Variants in GRM5 observed in about 807,000 individuals in gnomAD.
The protein encoded by GRM5 is metabotropic glutamate receptor 5.
In GRM5, 19 loss-of-function variants were observed where a neutral mutation model predicts 83.1. That is an observed-to-expected ratio of 0.23 (90% CI 0.16 to 0.34). The LOEUF is 0.34. GRM5 is among the 10% of genes least tolerant of loss of function. The pLI, the probability that GRM5 is intolerant of heterozygous loss-of-function variation, is 1.00. For missense variants in GRM5, 1,160 were observed against 1,588.3 expected (o/e 0.73, Z 4.58); for synonymous variants, 675 against 633.6 (o/e 1.07, Z -0.98).
chr11:88,557,889 C>T (rs955704497), intron 8 of GRM5, among the ~76,000 whole-genome samples: 2 of 152,002 alleles, frequency 1.3e-5, no homozygotes, highest in Non-Finnish European at 2.9e-5. Context: ...TCTCCTAATG[C>T]TATCCCTTTG....
At chr11:88,719,651 A>C (rs547834686) in intron 3 of GRM5, among the ~76,000 whole-genome samples, 1 of 152,210 alleles carries the variant, frequency 6.6e-6, no homozygotes, top group African/African-American at 2.4e-5. Context: ...GAGTTCCACA[A>C]GGGCTGAACT....
chr11:88,609,768 T>A (rs1046999682), intron 4 of GRM5, among the ~76,000 whole-genome samples: 2 of 152,230 alleles, frequency 1.3e-5, no homozygotes, highest in African/African-American at 4.8e-5. Flanking sequence ...TTGTTTTTGT[T>A]GCAATTGCTT....
intron 2 of GRM5, among the ~76,000 whole-genome samples, chr11:88,967,674 T>G (rs921791801): frequency 6.6e-6 from 1 of 152,074 alleles, no homozygotes; most frequent in Non-Finnish European, 1.5e-5. Context: ...GGGATTAAAT[T>G]TCAACATGAG....
chr11:88,765,911 C>T (rs575653539), intron 3 of GRM5, among the ~76,000 whole-genome samples: 2 of 151,762 alleles, frequency 1.3e-5, no homozygotes, highest in South Asian at 2.1e-4. Context: ...AGGAAACACA[C>T]AGAATGGGAG....
At chr11:88,939,396 T>C (rs633748) in intron 2 of GRM5, among the ~76,000 whole-genome samples, 38,114 of 151,628 alleles carry the variant, frequency 0.25, 5,856 homozygotes, top group Non-Finnish European at 0.35. Flanking sequence ...ACCAACATTA[T>C]CCTATCATGG....
At chr11:88,642,586 G>A (rs1346070590) in intron 4 of GRM5, among the ~76,000 whole-genome samples, 2 of 152,056 alleles carry the variant, frequency 1.3e-5, no homozygotes, top group African/African-American at 4.8e-5. Context: ...CCAATTTTAG[G>A]TCATTTATTT....
chr11:88,667,005 C>T (rs1940061476), intron 3 of GRM5, among the ~76,000 whole-genome samples: 1 of 151,870 alleles, frequency 6.6e-6, no homozygotes, highest in African/African-American at 2.4e-5. Flanking sequence ...AATTTAAATA[C>T]AAATATGAAT....
intron 2 of GRM5, among the ~76,000 whole-genome samples, chr11:89,005,592 C>A (rs1238393767): frequency 6.6e-6 from 1 of 152,140 alleles, no homozygotes; most frequent in Non-Finnish European, 1.5e-5. Flanking sequence ...AGATAAGTTA[C>A]TCGGTTTTTC....
chr11:88,724,438 A>T (rs1381198969), intron 3 of GRM5, among the ~76,000 whole-genome samples: 1 of 152,092 alleles, frequency 6.6e-6, no homozygotes, highest in East Asian at 1.9e-4. Context: ...GTTATTGCAC[A>T]GTTCTTAACT....
chr11:88,599,131 A>G (rs940524227), intron 5 of GRM5, among the ~76,000 whole-genome samples: 43 of 152,308 alleles, frequency 2.8e-4, no homozygotes, highest in African/African-American at 9.6e-4. Context: ...ATTTGAACCA[A>G]TTTATATTGT....
intron 2 of GRM5, among the ~76,000 whole-genome samples, chr11:88,861,904 G>T (rs1944570446): frequency 6.6e-6 from 1 of 152,170 alleles, no homozygotes; most frequent in African/African-American, 2.4e-5. Context: ...AAGACTGTGA[G>T]ACAGTTAAAC....
chr11:88,696,007 GA>G (rs1172309000), intron 3 of GRM5, among the ~76,000 whole-genome samples: 1 of 152,202 alleles, frequency 6.6e-6, no homozygotes, highest in Non-Finnish European at 1.5e-5. Flanking sequence ...CACAAAGACA[GA>G]AGGCTTTCTG....
intron 2 of GRM5, among the ~76,000 whole-genome samples, chr11:89,020,230 T>A (rs192405116): frequency 6.6e-6 from 1 of 152,214 alleles, no homozygotes; most frequent in South Asian, 2.1e-4. Context: ...AAGTGCAGAA[T>A]TGGAATTTAA....
chr11:88,510,245 C>T (rs1374770383), intron 9 of GRM5, among the ~76,000 whole-genome samples: 1 of 152,240 alleles, frequency 6.6e-6, no homozygotes, highest in African/African-American at 2.4e-5. Flanking sequence ...CTGTATAATG[C>T]CTTCGGCACT....
At position 88,974,778 on chromosome 11, in the gene GRM5, A is replaced by G. The variant is rs142857146; in HGVS notation, c.661+72434T>C. On this transcript the variant is annotated intron_variant, in intron 2 of 9. Transcript: ENST00000305447. ...TTGTTACAAAAATCTCTTATCTCTCATCTCTTTAATGTCTTCTCTCTCACC... is the reference window on the plus strand; with the variant it reads ...TTGTTACAAAAATCTCTTATCTCTCGTCTCTTTAATGTCTTCTCTCTCACC... Among the ~76,000 whole-genome samples the G allele has an allele frequency of 4.9e-3, 753 of 152,244 alleles. 11 individuals are homozygous for G. The highest frequency in any genetic ancestry group is 0.028 in the East Asian group (145 of 5,176).
intron 2 of GRM5, among the ~76,000 whole-genome samples, chr11:88,991,121 C>T (rs1234593855): frequency 6.6e-6 from 1 of 152,164 alleles, no homozygotes; most frequent in Non-Finnish European, 1.5e-5. Context: ...ACCCCATTGT[C>T]TCAGCCCAAA....
intron 3 of GRM5, among the ~76,000 whole-genome samples, chr11:88,796,715 A>G (rs1265930573): frequency 6.6e-6 from 1 of 152,324 alleles, no homozygotes; most frequent in Admixed American, 6.5e-5. Flanking sequence ...TTTGAACTTC[A>G]TAAACTGATA....
At chr11:88,781,043 C>T (rs1467194028) in intron 3 of GRM5, among the ~76,000 whole-genome samples, 1 of 151,004 alleles carries the variant, frequency 6.6e-6, no homozygotes, top group Non-Finnish European at 1.5e-5. Context: ...AGTAACTGTA[C>T]ATATGGCATA....
intron 4 of GRM5, among the ~76,000 whole-genome samples, chr11:88,630,538 T>C (rs868191111): frequency 1.3e-5 from 1 of 75,694 alleles, no homozygotes; most frequent in African/African-American, 5.2e-5. Flanking sequence ...ACTAATGTAA[T>C]ACACACACAC....
Sources: gnomAD v4.1 joint callset for allele counts (sites outside exome capture counted in the v4.1 genomes callset) on GRCh38, gnomAD v4.1.1 for gene constraint, MANE v1.5 for transcripts, NCBI Gene and HGNC (gene_info 2026-07-23, HGNC 2026-07-21) for gene names.